WDR97: variants seen among roughly 807,000 people sequenced by gnomAD.
The protein encoded by WDR97 is WD repeat domain 97, also known as WD repeat-containing protein 97.
Under a neutral mutation model 65.4 loss-of-function variants are expected in WDR97, and 111 were observed. That is an observed-to-expected ratio of 1.70 (90% CI 1.45 to 1.99). The LOEUF (loss-of-function observed/expected upper bound fraction) is 1.99. Among genes scored for constraint, WDR97 ranks in the 30% most tolerant of loss-of-function variants. WDR97 has a pLI of 0.00. For missense variants in WDR97, 1,674 were observed against 865.0 expected, an observed-to-expected ratio of 1.94 and a Z score of -11.73; for synonymous variants, 802 against 397.7, an observed-to-expected ratio of 2.02 and a Z score of -12.10.
At position 144,112,531 on chromosome 8, in the gene WDR97, G is replaced by T. The variant is rs1235308351; in HGVS notation, c.3105+1G>T. Reference sequence around the variant, plus strand: ...TCCTGCCACCGTGCAGCCCCACAAGGTGAGACCCCCTCCCAGCTCCTGGAG... The same window carrying T: ...TCCTGCCACCGTGCAGCCCCACAAGTTGAGACCCCCTCCCAGCTCCTGGAG... On this transcript the variant is annotated splice_donor_variant, in intron 15 of 23. Transcript: ENST00000323662. LOFTEE classifies it high-confidence loss of function. 2 of 702,458 alleles carry T rather than the reference G, an allele frequency of 2.8e-6. No individual in the cohort carries two copies. The highest frequency in any genetic ancestry group is 1.7e-5 in the African/African-American group (1 of 57,224). 43.5% of individuals were successfully genotyped at this position (702,458 alleles called of 1,614,324 possible). A position where few individuals can be genotyped will look rare whatever the true frequency, so the allele number is the denominator to read the frequency against.
rs531367681 is a variant in WDR97, at chr8:144,113,054, A to T, written c.3106-386A>T. 14 of 357,162 alleles carry T rather than the reference A, an allele frequency of 3.9e-5. No individual in the cohort carries two copies. The South Asian group carries it at 5.0e-4, about 13-fold the overall frequency. The allele number at this position is 357,162 out of a possible 1,614,324, so 22.1% of individuals were successfully genotyped here. A position where few individuals can be genotyped will look rare whatever the true frequency, so the allele number is the denominator to read the frequency against. On this transcript the variant is annotated intron_variant, in intron 15 of 23. Coordinates refer to ENST00000323662, the MANE Select transcript of WDR97 (RefSeq NM_001316309.2). ...TGACTCTTTGGGCCTGGGTGCCACC[A>T]TCATGCTCTTCATTGCCCTTTCTCC... is the stretch of plus-strand genomic sequence containing the variant.
rs1836457771 is a variant in WDR97, at chr8:144,108,254, G to A, written c.249+59G>A. ...TTTCCGGATCTGGGCCTTCCCTTAG[G>A]GGTCCCCTAGGCCGGAGTAGCCCCA... On this transcript the variant is annotated intron_variant, in intron 2 of 23. Coordinates refer to ENST00000323662, the MANE Select transcript of WDR97 (RefSeq NM_001316309.2). 13 of 694,620 alleles carry A rather than the reference G, an allele frequency of 1.9e-5. No individual in the cohort carries two copies. The South Asian group carries it at 1.9e-4, about 10-fold the overall frequency. 43.0% of individuals were successfully genotyped at this position (694,620 alleles called of 1,614,324 possible).
chr8:144,108,415 C>A lies in WDR97; in HGVS notation c.349C>A (p.Pro117Thr), dbSNP rs539217545. 215 of 699,410 alleles carry A rather than the reference C, an allele frequency of 3.1e-4. No individual in the cohort carries two copies. The highest frequency in any genetic ancestry group is 1.1e-3 in the Admixed American group (55 of 49,650). 43.3% of individuals were successfully genotyped at this position (699,410 alleles called of 1,614,324 possible). Reference sequence around the variant, plus strand: ...CGGGCTGCGCTCGGTGGCGCAGGACCCGGTGGGTGGACGCTTCGTGGTGCT... The same window carrying A: ...CGGGCTGCGCTCGGTGGCGCAGGACACGGTGGGTGGACGCTTCGTGGTGCT... ...AAGLRSVAQD[P>T]VGGRFVVLDG... The change falls in exon 3 of 24, where the codon CCG becomes ACG. Residue 117 changes from proline to threonine, a missense_variant. Pro to Thr is a conservative substitution (Grantham distance 38). Transcript: ENST00000323662.
rs1320020117 is a variant in WDR97, at chr8:144,115,442, C to T, written c.4179C>T (p.Leu1393=). 3 of 689,202 alleles carry T rather than the reference C, an allele frequency of 4.4e-6. No individual in the cohort carries two copies. Among genetic ancestry groups the T allele is most frequent in the Admixed American group, 4.1e-5 (2 of 48,810 alleles). 42.7% of individuals were successfully genotyped at this position (689,202 alleles called of 1,614,324 possible). Reference sequence around the variant, plus strand: ...CGGCCTCCGGCATCTTCGGGAGGCTCTCGCAGGTCTCAGAGGTGCCTTTGA... The same window carrying T: ...CGGCCTCCGGCATCTTCGGGAGGCTTTCGCAGGTCTCAGAGGTGCCTTTGA... ...SWSASGIFGR[L]SQVSEVPLMV... The change falls in exon 22 of 24, where the codon CTC becomes CTT. Residue 1393 remains leucine (L), a synonymous_variant. Transcript: ENST00000323662.
Position 144,108,708 on chromosome 8 carries a change from G to A in WDR97, c.642G>A (p.Ala214=), listed in dbSNP as rs916375774. 2.0e-5 allele frequency: 14 copies of A among 701,006 alleles called. No individual in the cohort carries two copies. The highest frequency in any genetic ancestry group is 2.9e-5 in the Non-Finnish European group (11 of 384,584). 43.4% of individuals were successfully genotyped at this position (701,006 alleles called of 1,614,324 possible). Residue 214 remains alanine, a synonymous_variant, in exon 3 of 24, where the codon GCG becomes GCA. Coordinates refer to ENST00000323662, the MANE Select transcript of WDR97 (RefSeq NM_001316309.2). ...PVPDLRLLLV[A]EMNSSLALWQ... Reference sequence around the variant, plus strand: ...CCGACCTCAGGCTGCTGCTCGTTGCGGAGATGAACAGCAGCCTGGCGCTCT... The same window carrying A: ...CCGACCTCAGGCTGCTGCTCGTTGCAGAGATGAACAGCAGCCTGGCGCTCT...
In WDR97 at chr8:144,113,678, C is replaced by T. The variant is rs913532243; in HGVS notation, c.3205C>T (p.Leu1069=). 3 of 666,304 alleles carry T rather than the reference C, an allele frequency of 4.5e-6. No individual in the cohort carries two copies. Among genetic ancestry groups the T allele is most frequent in the Non-Finnish European group, 8.2e-6 (3 of 363,756 alleles). The allele number at this position is 666,304 out of a possible 1,614,324, so 41.3% of individuals were successfully genotyped here. ...GCAGCCAGGGGCAAGCCAGGATGCC[C>T]TGTGGTTGTGGCGCCCCAGGCCATC... ...NAEPGASQDA[L]WLWRPRPSQT... Residue 1069 remains leucine (L), a synonymous_variant, in exon 17 of 24, where the codon CTG becomes TTG. Coordinates refer to ENST00000323662, the MANE Select transcript of WDR97 (RefSeq NM_001316309.2).
Position 144,115,818 on chromosome 8 carries a change from C to T in WDR97, c.4555C>T (p.Pro1519Ser). 1.5e-6 allele frequency: 1 copy of T among 688,286 alleles called. No individual in the cohort carries two copies. Among genetic ancestry groups the T allele is most frequent in the Non-Finnish European group, 2.7e-6 (1 of 375,990 alleles). 42.6% of individuals were successfully genotyped at this position (688,286 alleles called of 1,614,324 possible). ...CCCGCCAGAGCCCTACACGGTGGCG[C>T]CGGTGCCCGACATGGTGGTGCCACC... ...PHPPEPYTVAPVPDMVVPPPR... is the reference protein window; with the variant it reads ...PHPPEPYTVASVPDMVVPPPR... Residue 1519 changes from proline to serine, a missense_variant, in exon 22 of 24, where the codon CCG (proline) becomes TCG (serine). Coordinates refer to ENST00000323662, the MANE Select transcript of WDR97 (RefSeq NM_001316309.2).
rs980396349 is a variant in WDR97 at position 144,109,033 on chromosome 8, C to T, written c.879-16C>T. 8.5e-6 allele frequency: 6 copies of T among 703,166 alleles called. No homozygotes were observed. The highest frequency in any genetic ancestry group is 4.4e-5 in the South Asian group (3 of 67,606). The allele number at this position is 703,166 out of a possible 1,614,324, so 43.6% of individuals were successfully genotyped here. A position where few individuals can be genotyped will look rare whatever the true frequency, so the allele number is the denominator to read the frequency against. On this transcript the variant is annotated splice_polypyrimidine_tract_variant and intron_variant, in intron 3 of 23. Coordinates refer to ENST00000323662, the MANE Select transcript of WDR97 (RefSeq NM_001316309.2). ...GATGTTAAGTCCATTGGGATTCTCC[C>T]ATTCCCCACCTGTAGCACCATCTCG...
intron 21 of WDR97, 63 bp from the exon 22 acceptor site, chr8:144,115,278 G>A (rs147645549): frequency 5.2e-6 from 3 of 573,482 alleles, no homozygotes; most frequent in Non-Finnish European, 9.2e-6. Flanking sequence ...ACTGTCTGCA[G>A]CCAAGTTGCT....
chr8:144,113,990 G>T lies in WDR97; in HGVS notation c.3422G>T (p.Trp1141Leu). The change falls in exon 18 of 24, where the codon TGG becomes TTG. Residue 1141 changes from tryptophan to leucine, a missense_variant. Trp to Leu is a moderately conservative substitution (Grantham distance 61, BLOSUM62 -2). Coordinates refer to ENST00000323662, the MANE Select transcript of WDR97 (RefSeq NM_001316309.2). ...WELEDQSAVD[W>L]TQEPRRRSCK... ...CTGCTCCCCTAGAGTGCTGTGGACT[G>T]GACCCAGGAGCCCCGGCGGCGCAGC... The T allele has an allele frequency of 1.4e-6, 1 of 702,682 alleles. No individual in the cohort carries two copies. Among genetic ancestry groups the T allele is most frequent in the South Asian group, 1.5e-5 (1 of 67,562 alleles). The allele number at this position is 702,682 out of a possible 1,614,324, so 43.5% of individuals were successfully genotyped here. A position where few individuals can be genotyped will look rare whatever the true frequency, so the allele number is the denominator to read the frequency against.
At position 144,115,766 on chromosome 8, in the gene WDR97, G is replaced by A. The variant is rs1836640778; in HGVS notation, c.4503G>A (p.Ser1501=). 1 of 699,588 alleles carries A rather than the reference G, an allele frequency of 1.4e-6. No homozygotes were observed. Among genetic ancestry groups the A allele is most frequent in the Non-Finnish European group, 2.6e-6 (1 of 383,342 alleles). The allele number at this position is 699,588 out of a possible 1,614,324, so 43.3% of individuals were successfully genotyped here. ...CEQLRAQQRS[S]LQEKAAHPHP... is the part of the protein sequence containing the mutation. ...AGCTGCGGGCGCAGCAGCGGAGTTC[G>A]CTCCAGGAGAAGGCTGCGCACCCAC... The change falls in exon 22 of 24, where the codon TCG becomes TCA. Residue 1501 remains serine (S), a synonymous_variant. Transcript: ENST00000323662.
chr8:144,110,767 G>GTC, intron 8 of WDR97, 28 bp downstream of exon 8: 1 of 702,682 alleles, frequency 1.4e-6, no homozygotes, highest in Non-Finnish European at 2.6e-6. Context: ...GAGGGCTGGG[G>GTC]TCTCCTACCT....
rs12543080 is a variant in WDR97 at position 144,115,537 on chromosome 8, A to T, written c.4274A>T (p.Lys1425Met). Residue 1425 changes from lysine to methionine, a missense_variant, in exon 22 of 24, where the codon AAG becomes ATG. Lys to Met is a moderately conservative substitution (Grantham distance 95). Transcript: ENST00000323662. ...ELQAQRMLAP[K>M]RSWGTPQLRL... ...CAGGCCCAGCGGATGCTGGCACCCA[A>T]GCGCAGCTGGGGGACCCCTCAGCTC... 5.7e-6 allele frequency: 4 copies of T among 697,110 alleles called. No homozygotes were observed. The highest frequency in any genetic ancestry group is 1.0e-5 in the Non-Finnish European group (4 of 381,992). The allele number at this position is 697,110 out of a possible 1,614,324, so 43.2% of individuals were successfully genotyped here. A position where few individuals can be genotyped will look rare whatever the true frequency, so the allele number is the denominator to read the frequency against.
In WDR97 at chr8:144,116,195, T is replaced by C. The variant is rs1287545526; in HGVS notation, c.4771T>C (p.Trp1591Arg). The C allele has an allele frequency of 1.4e-6, 1 of 698,970 alleles. No homozygotes were observed. The highest frequency in any genetic ancestry group is 1.8e-5 in the African/African-American group (1 of 57,088). The allele number at this position is 698,970 out of a possible 1,614,324, so 43.3% of individuals were successfully genotyped here. A position where few individuals can be genotyped will look rare whatever the true frequency, so the allele number is the denominator to read the frequency against. Residue 1591 changes from tryptophan to arginine, a missense_variant, in exon 24 of 24, where the codon TGG becomes CGG. Trp to Arg is a moderately radical substitution (Grantham distance 101, BLOSUM62 -3). Transcript: ENST00000323662. The stretch of plus-strand genomic sequence containing the variant: ...GGAGCCGCAGCCTTTCCCCCTGGAC[T>C]GGCCTATGCCCCCGCGCCCGCTGCC... Reference protein sequence around the residue: ...RVEPQPFPLDWPMPPRPLPPR... With the variant: ...RVEPQPFPLDRPMPPRPLPPR...
At position 144,115,598 on chromosome 8, in the gene WDR97, C is replaced by T. The variant is rs1564323860; in HGVS notation, c.4335C>T (p.Phe1445=). The change falls in exon 22 of 24, where the codon TTC becomes TTT. Residue 1445 remains phenylalanine, a synonymous_variant. Coordinates refer to ENST00000323662, the MANE Select transcript of WDR97 (RefSeq NM_001316309.2). ...TGCTCTCCGAGACGCTGAAGAGCTT[C>T]TGCCTGGAGCCCGAGGCCCGCCTGC... ...LRVLSETLKS[F]CLEPEARLHP... 3 of 686,696 alleles carry T rather than the reference C, an allele frequency of 4.4e-6. No individual in the cohort carries two copies. The highest frequency in any genetic ancestry group is 8.0e-6 in the Non-Finnish European group (3 of 374,876). 42.5% of individuals were successfully genotyped at this position (686,696 alleles called of 1,614,324 possible).
At chr8:144,112,166 C>A in intron 13 of WDR97, 22 bp downstream of exon 13, 1 of 701,120 alleles carries the variant, frequency 1.4e-6, no homozygotes, top group South Asian at 1.5e-5. Context: ...CACCCTCCCA[C>A]ATGCCTGCTG....
Position 144,115,794 on chromosome 8 carries a change from C to T in WDR97, c.4531C>T (p.Pro1511Ser). The T allele has an allele frequency of 8.6e-6, 6 of 694,174 alleles. No individual in the cohort carries two copies. Among genetic ancestry groups the T allele is most frequent in the Non-Finnish European group, 1.6e-5 (6 of 380,016 alleles). The allele number at this position is 694,174 out of a possible 1,614,324, so 43.0% of individuals were successfully genotyped here. The change falls in exon 22 of 24, where the codon CCG becomes TCG. Residue 1511 changes from proline (P) to serine (S), a missense_variant. Pro to Ser is a moderately conservative substitution (Grantham distance 74). Transcript: ENST00000323662. ...CCAGGAGAAGGCTGCGCACCCACAC[C>T]CGCCAGAGCCCTACACGGTGGCGCC... is the stretch of plus-strand genomic sequence containing the variant. ...SLQEKAAHPH[P>S]PEPYTVAPVP...
chr8:144,111,788 G>A lies in WDR97; in HGVS notation c.2637+7G>A. ...CTACGGCTCTGGCCTGCTGGTAGGTGTAGGGCCTCCCCCAGCCCAGCCCTG... is the reference window on the plus strand; with the variant it reads ...CTACGGCTCTGGCCTGCTGGTAGGTATAGGGCCTCCCCCAGCCCAGCCCTG... On this transcript the variant is annotated splice_region_variant and intron_variant, in intron 12 of 23. Coordinates refer to ENST00000323662, the MANE Select transcript of WDR97 (RefSeq NM_001316309.2). The A allele has an allele frequency of 1.5e-6, 1 of 688,746 alleles. No homozygotes were observed. Among genetic ancestry groups the A allele is most frequent in the Non-Finnish European group, 2.7e-6 (1 of 376,186 alleles). The allele number at this position is 688,746 out of a possible 1,614,324, so 42.7% of individuals were successfully genotyped here. A position where few individuals can be genotyped will look rare whatever the true frequency, so the allele number is the denominator to read the frequency against.
At chr8:144,112,372 G>T (rs1192917257) in intron 14 of WDR97, 23 bp downstream of exon 14, 3 of 702,370 alleles carry the variant, frequency 4.3e-6, no homozygotes, top group Non-Finnish European at 7.8e-6. Flanking sequence ...GGCAGGTGGG[G>T]TACCACCTAC....
Sources: gnomAD v4.1 joint callset for allele counts on GRCh38, gnomAD v4.1.1 for gene constraint, MANE v1.5 for transcripts, NCBI Gene and HGNC (gene_info 2026-07-23, HGNC 2026-07-21) for gene names.